STRBP: variants seen among roughly 807,000 people sequenced by gnomAD.
STRBP encodes the protein spermatid perinuclear RNA-binding protein.
A neutral mutation model predicts 80.1 loss-of-function variants in STRBP; 13 were observed. That is an observed-to-expected ratio of 0.16 (90% CI 0.11 to 0.26). The LOEUF (loss-of-function observed/expected upper bound fraction) is 0.26, where lower values mean the gene tolerates loss of function less well. Ranked by LOEUF, STRBP falls within the 10% of genes least tolerant of loss-of-function variation. The pLI, the probability that STRBP is intolerant of heterozygous loss-of-function variation, is 1.00. For missense variants in STRBP, 485 were observed against 815.2 expected (o/e 0.59, Z 4.93); for synonymous variants, 284 against 291.2 (o/e 0.98, Z 0.25).
chr9:123,165,422 A>G (rs2037712889), intron 6 of STRBP, among the ~76,000 whole-genome samples: 1 of 152,090 alleles, frequency 6.6e-6, no homozygotes. Context: ...GACACATGCT[A>G]GTGAATTTCT....
At chr9:123,180,877 T>C in intron 3 of STRBP, 5 of 953,566 alleles carry the variant, frequency 5.2e-6, no homozygotes, top group Non-Finnish European at 6.2e-6. Flanking sequence ...CATGAAATTA[T>C]ATGTTAGTAC....
intron 2 of STRBP, among the ~76,000 whole-genome samples, chr9:123,208,605 T>C (rs764285692): frequency 1.3e-5 from 2 of 152,196 alleles, no homozygotes; most frequent in Non-Finnish European, 2.9e-5. Flanking sequence ...AAACAACATA[T>C]ACATGAATAA....
chr9:123,226,683 C>G (rs1353131407), intron 2 of STRBP, among the ~76,000 whole-genome samples: 1 of 151,736 alleles, frequency 6.6e-6, no homozygotes, highest in Non-Finnish European at 1.5e-5. Context: ...GTGCCACGCA[C>G]TGTGACACTT....
At chr9:123,252,270 A>G (rs555290977) in intron 1 of STRBP, among the ~76,000 whole-genome samples, 1 of 152,324 alleles carries the variant, frequency 6.6e-6, no homozygotes, top group South Asian at 2.1e-4. Flanking sequence ...TATAACACGG[A>G]CCATTTGAAC....
chr9:123,189,414 A>G (rs923383198), intron 2 of STRBP, among the ~76,000 whole-genome samples: 2 of 151,742 alleles, frequency 1.3e-5, no homozygotes, highest in African/African-American at 4.8e-5. Context: ...ATACATATGT[A>G]ACTAACCTGC....
intron 11 of STRBP, among the ~76,000 whole-genome samples, chr9:123,149,356 G>C (rs1206249179): frequency 2.6e-5 from 4 of 152,272 alleles, no homozygotes; most frequent in Non-Finnish European, 1.5e-5. Context: ...CAGTCTCCCA[G>C]AATGCAGTCT....
intron 2 of STRBP, among the ~76,000 whole-genome samples, chr9:123,186,481 T>TA (rs573894521): frequency 1.8e-3 from 279 of 152,274 alleles, no homozygotes; most frequent in Non-Finnish European, 3.5e-3. Context: ...GGGGGGTAAC[T>TA]ACCCTACCAT....
chr9:123,265,694 C>T (rs1042918219), intron 1 of STRBP, among the ~76,000 whole-genome samples: 2 of 152,162 alleles, frequency 1.3e-5, no homozygotes, highest in African/African-American at 4.8e-5. Flanking sequence ...CTAAAGGTTA[C>T]TTCCCATGTG....
At chr9:123,234,548 G>A (rs1410074355) in intron 2 of STRBP, among the ~76,000 whole-genome samples, 1 of 152,166 alleles carries the variant, frequency 6.6e-6, no homozygotes, top group East Asian at 1.9e-4. Flanking sequence ...TCAAAACCTG[G>A]ACTTATCACT....
intron 11 of STRBP, among the ~76,000 whole-genome samples, chr9:123,155,925 G>C (rs896452771): frequency 6.6e-6 from 1 of 151,970 alleles, no homozygotes; most frequent in African/African-American, 2.4e-5. Context: ...AGAGATCATT[G>C]TATAGCCAAA....
In STRBP at chr9:123,115,789, G is replaced by A. The variant is rs1005157240; in HGVS notation, c.*84+140C>T. The A allele has an allele frequency of 5.8e-6, 2 of 342,378 alleles. No individual in the cohort carries two copies. Among genetic ancestry groups the A allele is most frequent in the African/African-American group, 4.3e-5 (2 of 46,548 alleles). 21.2% of individuals were successfully genotyped at this position (342,378 alleles called of 1,614,324 possible). A position where few individuals can be genotyped will look rare whatever the true frequency, so the allele number is the denominator to read the frequency against. ...ATGCTGGTTACAGGGAGCTCATGTC[G>A]CACCTCAGCTGCTCTCTCAAGGCTG... On this transcript the variant is annotated intron_variant and NMD_transcript_variant, in intron 3 of 3. Coordinates refer to the STRBP transcript ENST00000471564. This position sits in a 1 kb window ranked among gnomAD's most constrained non-coding sequence, Gnocchi z 5.0.
Position 123,181,694 on chromosome 9 carries a change from G to A in STRBP, c.3+2438C>T, listed in dbSNP as rs373966047. On this transcript the variant is annotated intron_variant, in intron 3 of 18. Coordinates refer to ENST00000348403, the MANE Select transcript of STRBP (RefSeq NM_018387.5). ...GCATGCCTGTAATCCCAGCTACTTG[G>A]GAGGCTGAGGCAGGAGAATTGCTTG... Among the ~76,000 whole-genome samples, 11 of 150,866 alleles carry A rather than the reference G, an allele frequency of 7.3e-5. No individual in the cohort carries two copies. In the South Asian group the frequency reaches 1.9e-3, roughly 26 times the overall value.
intron 1 of STRBP, among the ~76,000 whole-genome samples, chr9:123,256,342 CT>C (rs368157993): frequency 1.1e-3 from 165 of 152,198 alleles, no homozygotes; most frequent in African/African-American, 3.8e-3. Context: ...ACCTTTATTG[CT>C]TTCCCCCCAA....
intron 6 of STRBP, among the ~76,000 whole-genome samples, chr9:123,165,281 A>C (rs950297073): frequency 6.9e-6 from 1 of 143,932 alleles, no homozygotes; most frequent in Non-Finnish European, 1.5e-5. Context: ...CTCCATCTCA[A>C]AAAAAAAAAA....
intron 2 of STRBP, among the ~76,000 whole-genome samples, chr9:123,227,170 T>C (rs1239003996): frequency 6.6e-6 from 1 of 152,098 alleles, no homozygotes; most frequent in African/African-American, 2.4e-5. Flanking sequence ...CATAAGTCAA[T>C]AATGTACTCA....
rs2035764923 is a variant in STRBP at position 123,122,524 on chromosome 9, A to C, written c.*3073T>G. 2 of 1,179,904 alleles carry C rather than the reference A, an allele frequency of 1.7e-6. No individual in the cohort carries two copies. The highest frequency in any genetic ancestry group is 7.7e-5 in the Admixed American group (2 of 25,936). The allele number at this position is 1,179,904 out of a possible 1,614,324, so 73.1% of individuals were successfully genotyped here. ...CCAGGCTAACAATTTGAGAGAGACT[A>C]CAAACGACTTCAGAACTATATAAAC... On this transcript the variant is annotated 3_prime_UTR_variant, in exon 19 of 19. Transcript: ENST00000348403.
chr9:123,117,391 C>T (rs542903276), downstream of STRBP, among the ~76,000 whole-genome samples: 2 of 152,194 alleles, frequency 1.3e-5, no homozygotes, highest in Non-Finnish European at 2.9e-5. Context: ...AGCTGTCATT[C>T]ATTAGCCCAG....
At chr9:123,178,930 C>A in intron 4 of STRBP, 77 bp downstream of exon 4, 1 of 1,405,152 alleles carries the variant, frequency 7.1e-7, no homozygotes, top group Non-Finnish European at 1.0e-6. Flanking sequence ...AACAGCATAA[C>A]ACACACTCAA....
intron 2 of STRBP, among the ~76,000 whole-genome samples, chr9:123,206,661 CG>C (rs2132522527): frequency 6.6e-6 from 1 of 151,050 alleles, no homozygotes; most frequent in East Asian, 1.9e-4. Flanking sequence ...ATTTTTGACA[CG>C]GGTTTCACTC....
Sources: gnomAD v4.1 joint callset for allele counts (sites outside exome capture counted in the v4.1 genomes callset) on GRCh38, gnomAD v4.1.1 for gene constraint, Gnocchi (gnomAD v3.1) non-coding constraint, MANE v1.5 for transcripts, NCBI Gene and HGNC (gene_info 2026-07-23, HGNC 2026-07-21) for gene names.